Variants in ATP5MF observed in about 807,000 individuals in gnomAD.
ATP5MF encodes the protein ATP synthase membrane subunit f, also known as ATP synthase F(0) complex subunit f, mitochondrial.
In ATP5MF, 10 loss-of-function variants were observed where a neutral mutation model predicts 13.8. The ratio of observed to expected loss-of-function variants is 0.72; its 90% confidence interval spans 0.45 to 1.23. The LOEUF is 1.23. Ranked by LOEUF, ATP5MF falls within the 50% of genes most tolerant of loss-of-function variation. The pLI is 0.00. For missense variants in ATP5MF, 122 were observed against 118.2 expected (o/e 1.03, Z -0.15); for synonymous variants, 40 against 45.8 (o/e 0.87, Z 0.51).
intron 1 of ATP5MF, among the ~76,000 whole-genome samples, chr7:99,462,584 G>C (rs1045888744): frequency 6.6e-6 from 1 of 151,988 alleles, no homozygotes; most frequent in Admixed American, 6.6e-5. Context: ...AGACCAGCCT[G>C]GCCAACATAG....
At chr7:99,462,365 G>C (rs976127137) in intron 1 of ATP5MF, among the ~76,000 whole-genome samples, 4 of 151,776 alleles carry the variant, frequency 2.6e-5, no homozygotes, top group African/African-American at 4.8e-5. Context: ...CTACTAGGGA[G>C]GCTGAGGCAG....
rs201512015 is a variant in ATP5MF at position 99,466,137 on chromosome 7, G to T, written c.5C>A (p.Ala2Glu). MASVGECPAPVP... is the reference protein window; with the variant it reads MESVGECPAPVP... Reference sequence around the variant, plus strand: ...TGGGGCCGGACACTCACCAACTGACGCCATTTTGGAGTCCTGGTGTCCGCT... The same window carrying T: ...TGGGGCCGGACACTCACCAACTGACTCCATTTTGGAGTCCTGGTGTCCGCT... Residue 2 changes from alanine (A) to glutamate (E), a missense_variant, in exon 1 of 4, where the codon GCG becomes GAG. Ala to Glu is a moderately radical substitution (Grantham distance 107). Transcript: ENST00000292475. 1.1e-5 allele frequency: 17 copies of T among 1,614,060 alleles called. No individual in the cohort carries two copies. The highest frequency in any genetic ancestry group is 1.3e-5 in the Non-Finnish European group (15 of 1,180,040).
chr7:99,459,307 T>C (rs757574093), intron 2 of ATP5MF, 44 bp from the exon 3 acceptor site: 37 of 1,377,454 alleles, frequency 2.7e-5, no homozygotes, highest in Non-Finnish European at 3.4e-5. Context: ...GGCTTCACAT[T>C]TGAGTGAAGT....
rs1273192759 is a variant in ATP5MF, at chr7:99,459,771, T to A, written c.139+315A>T. ...TTCTGGCAGGGAGGAGAGCATCATA[T>A]TATAGACTAATGCCCACTACGGTTC... is the stretch of plus-strand genomic sequence containing the variant. On this transcript the variant is annotated intron_variant, in intron 2 of 3. Coordinates refer to ENST00000292475, the MANE Select transcript of ATP5MF (RefSeq NM_004889.5). 1.3e-5 allele frequency: 4 copies of A among 316,912 alleles called. No homozygotes were observed. In the South Asian group the frequency reaches 1.7e-4, roughly 14 times the overall value. 19.6% of individuals were successfully genotyped at this position (316,912 alleles called of 1,614,324 possible).
rs778499547 is a variant in ATP5MF, at chr7:99,459,248, T to C, written c.155A>G (p.Tyr52Cys). The change falls in exon 3 of 4, where the codon TAC (tyrosine) becomes TGC (cysteine). Residue 52 changes from tyrosine to cysteine, a missense_variant. Physicochemically the swap from Tyr to Cys is radical, Grantham distance 194 (BLOSUM62 -2). Coordinates refer to ENST00000292475, the MANE Select transcript of ATP5MF (RefSeq NM_004889.5). ...CTTCTTCACATTGATGTACTTGTTG[T>C]AGTACCGGTAGTAACCTGCAAACGC... ...GAFQRGYYRY[Y>C]NKYINVKKGS... 5.6e-6 allele frequency: 9 copies of C among 1,613,740 alleles called. No homozygotes were observed. In the East Asian group the frequency reaches 6.7e-5, roughly 12 times the overall value.
chr7:99,458,944 T>A, intron 3 of ATP5MF: 1 of 555,264 alleles, frequency 1.8e-6, no homozygotes, highest in Non-Finnish European at 3.2e-6. Context: ...TCCTGTGTTC[T>A]CTTTGTCACA....
intron 1 of ATP5MF, among the ~76,000 whole-genome samples, chr7:99,461,249 C>T (rs1252811125): frequency 1.3e-5 from 2 of 152,178 alleles, no homozygotes; most frequent in Non-Finnish European, 2.9e-5. Context: ...GGCTGGAGTG[C>T]ACTGGTTATT....
At chr7:99,459,643 G>A (rs760853327) in intron 2 of ATP5MF, 2 of 243,334 alleles carry the variant, frequency 8.2e-6, no homozygotes, top group South Asian at 5.6e-5. Flanking sequence ...GTCTAAACTC[G>A]GCTCAAGCAA....
At chr7:99,465,152 C>CG (rs1554370851) in intron 1 of ATP5MF, among the ~76,000 whole-genome samples, 2 of 151,306 alleles carry the variant, frequency 1.3e-5, no homozygotes, top group Admixed American at 6.6e-5. Flanking sequence ...CCCAGCTACT[C>CG]GGAGGCTGAG....
chr7:99,461,261 A>G lies in ATP5MF; in HGVS notation c.32-1068T>C, dbSNP rs767885945. Among the ~76,000 whole-genome samples the G allele has an allele frequency of 1.6e-4, 25 of 151,854 alleles. 1 individual carries two copies. The highest frequency in any genetic ancestry group is 3.3e-4 in the Admixed American group (5 of 15,256). ...CCAGGCTGGAGTGCACTGGTTATTC[A>G]CAGGTGTGGTCACAGCTCACTGCAG... On this transcript the variant is annotated intron_variant, in intron 1 of 3. Transcript: ENST00000292475.
At chr7:99,459,484 GGC>G (rs1429156740) in intron 2 of ATP5MF, among the ~76,000 whole-genome samples, 1 of 152,166 alleles carries the variant, frequency 6.6e-6, no homozygotes, top group Non-Finnish European at 1.5e-5. Context: ...TCCTGAACTA[GGC>G]CTACCTGGAT....
chr7:99,458,745 C>G (rs1798455115), intron 3 of ATP5MF, among the ~76,000 whole-genome samples: 1 of 152,124 alleles, frequency 6.6e-6, no homozygotes, highest in Admixed American at 6.6e-5. Flanking sequence ...CGCCAATCTC[C>G]CACCAGACAA....
rs1281176363 is a variant in ATP5MF, at chr7:99,461,685, C to T, written c.32-1492G>A. On this transcript the variant is annotated intron_variant, in intron 1 of 3. Coordinates refer to ENST00000292475, the MANE Select transcript of ATP5MF (RefSeq NM_004889.5). The stretch of plus-strand genomic sequence containing the variant: ...ATGGTGAAACTGCACCATGAGATCA[C>T]GCCACTGCACCTGCCCAGGCTGGAG... 2.7e-5 allele frequency among the ~76,000 whole-genome samples: 4 copies of T among 150,890 alleles called. No homozygotes were observed. The East Asian group carries it at 6.1e-4, about 23-fold the overall frequency.
intron 3 of ATP5MF, 98 bp downstream of exon 3, chr7:99,459,049 C>A: frequency 1.2e-6 from 1 of 866,030 alleles, no homozygotes; most frequent in South Asian, 1.5e-5. Flanking sequence ...ACTAAAGGTC[C>A]CTCAGCCTCA....
intron 1 of ATP5MF, among the ~76,000 whole-genome samples, chr7:99,462,711 G>C (rs972344096): frequency 9.9e-5 from 15 of 152,208 alleles, no homozygotes; most frequent in African/African-American, 3.6e-4. Context: ...GGAGGTAGAG[G>C]TTGCAGTGAG....
intron 1 of ATP5MF, among the ~76,000 whole-genome samples, chr7:99,461,441 C>A (rs1798596364): frequency 1.3e-5 from 2 of 152,074 alleles, no homozygotes; most frequent in South Asian, 2.1e-4. Flanking sequence ...GACCACGGTG[C>A]CTTCTCAAAG....
rs569315691 is a variant in ATP5MF, at chr7:99,459,838, G to A, written c.139+248C>T. ...TAAAGAAGTCTTAGGATTTCTCTAA[G>A]ACAGAGGCAGACATACTGATTCCAA... On this transcript the variant is annotated intron_variant, in intron 2 of 3. Coordinates refer to ENST00000292475, the MANE Select transcript of ATP5MF (RefSeq NM_004889.5). 1.9e-4 allele frequency: 90 copies of A among 481,800 alleles called. No homozygotes were observed. In the East Asian group the frequency reaches 3.1e-3, roughly 17 times the overall value. The allele number at this position is 481,800 out of a possible 1,614,324, so 29.8% of individuals were successfully genotyped here.
intron 1 of ATP5MF, among the ~76,000 whole-genome samples, chr7:99,461,900 T>G (rs1233846307): frequency 4.7e-5 from 7 of 150,336 alleles, no homozygotes; most frequent in Non-Finnish European, 1.0e-4. Context: ...TCAGGCGATC[T>G]GCCCACCTCG....
chr7:99,466,163 G>A lies in ATP5MF; in HGVS notation c.-22C>T, dbSNP rs780761426. ...CCATTTTGGAGTCCTGGTGTCCGCT[G>A]TGCCGGACCGCGCGAGGGCTGCTGG... is the stretch of plus-strand genomic sequence containing the variant. On this transcript the variant is annotated 5_prime_UTR_variant, in exon 1 of 4. Coordinates refer to ENST00000292475, the MANE Select transcript of ATP5MF (RefSeq NM_004889.5). The A allele has an allele frequency of 6.8e-6, 11 of 1,614,148 alleles. No homozygotes were observed. The highest frequency in any genetic ancestry group is 1.6e-4 in the Middle Eastern group (1 of 6,062).
Sources: allele counts gnomAD v4.1 joint callset (sites outside exome capture counted in the v4.1 genomes callset), GRCh38; gene constraint gnomAD v4.1.1; transcripts MANE v1.5; gene names NCBI Gene and HGNC (gene_info 2026-07-23, HGNC 2026-07-21).